STK33: variants seen among roughly 807,000 people sequenced by gnomAD.
STK33 encodes the protein serine/threonine kinase 33, also known as serine/threonine-protein kinase 33.
In STK33, 52 loss-of-function variants were observed where a neutral mutation model predicts 58.0. The observed-to-expected ratio is 0.90, with a 90% CI of 0.72 to 1.13. STK33 has a LOEUF of 1.13. Ranked by LOEUF, STK33 falls within the 50% of genes most tolerant of loss-of-function variation. The pLI is 0.00. For missense variants in STK33, 630 were observed against 604.2 expected (o/e 1.04, Z -0.45); for synonymous variants, 215 against 200.1 (o/e 1.07, Z -0.63).
chr11:8,454,932 TG>T, intron 9 of STK33, 100 bp from the exon 10 acceptor site: 1 of 1,203,200 alleles, frequency 8.3e-7, no homozygotes, highest in Non-Finnish European at 1.1e-6. Context: ...TATCCGCTGT[TG>T]AAAAATTTGA....
intron 1 of STK33, among the ~76,000 whole-genome samples, chr11:8,536,786 G>C (rs7131358): frequency 0.55 from 82,631 of 149,784 alleles, 23,089 homozygotes; most frequent in African/African-American, 0.65. Flanking sequence ...TTGTTTGTTT[G>C]TTTGTTTGAA....
chr11:8,400,099 A>G (rs1850116440), intron 15 of STK33, among the ~76,000 whole-genome samples: 1 of 152,180 alleles, frequency 6.6e-6, no homozygotes, highest in South Asian at 2.1e-4. Flanking sequence ...AAAAGAGGGA[A>G]TCCTCCCTAG....
intron 15 of STK33, among the ~76,000 whole-genome samples, chr11:8,405,092 C>T (rs553155564): frequency 6.6e-5 from 10 of 152,154 alleles, no homozygotes; most frequent in East Asian, 3.9e-4. Flanking sequence ...GCTGAGATTG[C>T]GCCATTGCAA....
intron 1 of STK33, among the ~76,000 whole-genome samples, chr11:8,541,912 T>C (rs1411176854): frequency 6.6e-6 from 1 of 152,166 alleles, no homozygotes; most frequent in Non-Finnish European, 1.5e-5. Flanking sequence ...TTGAATGAAT[T>C]TTCAGACTAT....
chr11:8,408,409 G>A (rs1218197079), intron 15 of STK33, among the ~76,000 whole-genome samples: 3 of 152,168 alleles, frequency 2.0e-5, no homozygotes, highest in African/African-American at 7.2e-5. Flanking sequence ...GCAAAAATGG[G>A]AATCTGGTTA....
At position 8,536,015 on chromosome 11, in the gene STK33, G is replaced by A. The variant is rs528779251; in HGVS notation, c.-465-55401C>T. Among the ~76,000 whole-genome samples the A allele has an allele frequency of 5.3e-5, 8 of 152,106 alleles. No homozygotes were observed. The South Asian group carries it at 1.2e-3, about 24-fold the overall frequency. On this transcript the variant is annotated intron_variant, in intron 1 of 15. Coordinates refer to ENST00000687296, the MANE Select transcript of STK33 (RefSeq NM_001352389.2). ...AGCCAGGCACAAAAAGGCAAATAAC[G>A]CATGTTCTCACTTACATGTGGGGGC...
intron 8 of STK33, 70 bp from the exon 9 acceptor site, chr11:8,457,549 C>A: frequency 7.9e-7 from 1 of 1,262,184 alleles, no homozygotes; most frequent in South Asian, 1.7e-5. Context: ...TGTTATATAT[C>A]ACATATACAA....
chr11:8,516,254 C>T (rs755678143), intron 1 of STK33, among the ~76,000 whole-genome samples: 5 of 152,152 alleles, frequency 3.3e-5, no homozygotes, highest in Non-Finnish European at 5.9e-5. Flanking sequence ...TAAACCCATG[C>T]ATATATAGTC....
the STK33 span, among the ~76,000 whole-genome samples, chr11:8,363,676 C>T: frequency 1.3e-5 from 2 of 152,208 alleles, no homozygotes; most frequent in Non-Finnish European, 2.9e-5. Context: ...AACAACCGTG[C>T]GAATTGAAAT....
At chr11:8,372,071 G>C in the STK33 span, among the ~76,000 whole-genome samples, 1 of 151,804 alleles carries the variant, frequency 6.6e-6, no homozygotes, top group Non-Finnish European at 1.5e-5. Context: ...GGCTCACTTT[G>C]TTGCCCAGGC....
At chr11:8,519,511 C>T (rs185623874) in intron 1 of STK33, among the ~76,000 whole-genome samples, 11 of 151,956 alleles carry the variant, frequency 7.2e-5, no homozygotes, top group Middle Eastern at 3.4e-3. Context: ...CTGAAGGAGA[C>T]AGAGACACAA....
At chr11:8,402,767 G>A (rs1419722526) in intron 15 of STK33, among the ~76,000 whole-genome samples, 1 of 152,136 alleles carries the variant, frequency 6.6e-6, no homozygotes, top group Non-Finnish European at 1.5e-5. Flanking sequence ...CTTAGTTCCT[G>A]GAGTGGGCAA....
At chr11:8,502,489 G>C (rs1951591760) in intron 1 of STK33, among the ~76,000 whole-genome samples, 2 of 152,136 alleles carry the variant, frequency 1.3e-5, no homozygotes, top group African/African-American at 2.4e-5. Context: ...ACTCAAGATG[G>C]ATTAAAGACT....
intron 12 of STK33, among the ~76,000 whole-genome samples, chr11:8,440,264 T>C (rs867004000): frequency 3.3e-5 from 5 of 152,172 alleles, no homozygotes; most frequent in South Asian, 4.2e-4. Flanking sequence ...CTCTGCCTAG[T>C]TAGTGCCCAC....
At chr11:8,515,503 T>C (rs2100067) in intron 1 of STK33, among the ~76,000 whole-genome samples, 39,730 of 152,060 alleles carry the variant, frequency 0.26, 5,342 homozygotes, top group South Asian at 0.33. Flanking sequence ...ATTAGCCCGA[T>C]ACCAAAGCCA....
At chr11:8,440,526 G>T in intron 12 of STK33, 152 bp downstream of exon 12, 1 of 558,440 alleles carries the variant, frequency 1.8e-6, no homozygotes, top group Non-Finnish European at 2.9e-6. Context: ...ATGTATACCT[G>T]ACAACTAATA....
chr11:8,507,522 T>C (rs1215061165), intron 1 of STK33, among the ~76,000 whole-genome samples: 1 of 151,702 alleles, frequency 6.6e-6, no homozygotes, highest in South Asian at 2.1e-4. Context: ...CAGCGAAGAG[T>C]CTTTGATGAC....
intron 1 of STK33, among the ~76,000 whole-genome samples, chr11:8,508,914 C>T (rs1297708855): frequency 2.6e-5 from 4 of 151,964 alleles, no homozygotes; most frequent in Non-Finnish European, 4.4e-5. Context: ...ATCGAGAGTT[C>T]GAGACCAGCC....
At chr11:8,520,277 T>G (rs1953279991) in intron 1 of STK33, among the ~76,000 whole-genome samples, 1 of 152,188 alleles carries the variant, frequency 6.6e-6, no homozygotes, top group African/African-American at 2.4e-5. Context: ...GAAAAGGCCT[T>G]TGACAAAATT....
Sources: allele counts gnomAD v4.1 joint callset (sites outside exome capture counted in the v4.1 genomes callset), GRCh38; gene constraint gnomAD v4.1.1; transcripts MANE v1.5; gene names NCBI Gene and HGNC (gene_info 2026-07-23, HGNC 2026-07-21).